Variants in RBFOX1 observed in about 807,000 individuals in gnomAD.
RBFOX1 encodes the protein RNA binding protein fox-1 homolog 1.
RBFOX1 carries 8 observed loss-of-function variants against 57.7 expected under a neutral mutation model. The ratio of observed to expected loss-of-function variants is 0.14; its 90% CI spans 0.08 to 0.25. RBFOX1 has a LOEUF of 0.25. Ranked by LOEUF, RBFOX1 falls within the 10% of genes least tolerant of loss-of-function variation. The pLI, the probability that RBFOX1 is intolerant of heterozygous loss-of-function variation, is 1.00. For missense variants in RBFOX1, 611 were observed against 548.5 expected (o/e 1.11, Z -1.14); for synonymous variants, 326 against 222.4 (o/e 1.47, Z -4.15).
chr16:5,697,841 A>G (rs774346794), intron 3 of RBFOX1, among the ~76,000 whole-genome samples: 4 of 152,132 alleles, frequency 2.6e-5, no homozygotes, highest in Non-Finnish European at 4.4e-5. Flanking sequence ...GAGTCCATCT[A>G]TAGTTTCAAC....
intron 3 of RBFOX1, among the ~76,000 whole-genome samples, chr16:7,044,551 C>G (rs928136762): frequency 2.0e-5 from 3 of 152,190 alleles, no homozygotes; most frequent in Non-Finnish European, 4.4e-5. Flanking sequence ...GCTTCAGTTT[C>G]TAACCTTTCA....
At chr16:5,241,343 C>T (rs569804280) in intron 1 of RBFOX1, among the ~76,000 whole-genome samples, 1 of 150,852 alleles carries the variant, frequency 6.6e-6, no homozygotes, top group East Asian at 1.9e-4. Flanking sequence ...TTTCCAGGGC[C>T]GATCACGGAA....
intron 2 of RBFOX1, among the ~76,000 whole-genome samples, chr16:6,566,937 G>C (rs969788974): frequency 6.6e-6 from 1 of 152,178 alleles, no homozygotes; most frequent in African/African-American, 2.4e-5. Context: ...AAATTGACAT[G>C]TTGGAGATGA....
intron 4 of RBFOX1, among the ~76,000 whole-genome samples, chr16:7,339,147 A>G (rs969923909): frequency 2.6e-5 from 4 of 152,180 alleles, no homozygotes; most frequent in South Asian, 2.1e-4. Context: ...AGGCTTGTCA[A>G]TTAACCTCAC....
At chr16:6,117,458 G>A (rs761600712) in intron 1 of RBFOX1, among the ~76,000 whole-genome samples, 2 of 152,236 alleles carry the variant, frequency 1.3e-5, no homozygotes, top group East Asian at 1.9e-4. Flanking sequence ...TGGTGTTGCC[G>A]ATGTGATAGG....
chr16:5,653,670 T>C (rs2049326439), intron 3 of RBFOX1, among the ~76,000 whole-genome samples: 1 of 152,198 alleles, frequency 6.6e-6, no homozygotes, highest in Non-Finnish European at 1.5e-5. Context: ...TTTGAAATGC[T>C]CGGCTTTTGG....
intron 1 of RBFOX1, among the ~76,000 whole-genome samples, chr16:6,179,757 G>T (rs975453679): frequency 1.3e-5 from 2 of 152,104 alleles, no homozygotes; most frequent in African/African-American, 4.8e-5. Flanking sequence ...CCAAAACTTA[G>T]TGTATCAAGA....
chr16:6,314,744 A>G (rs2080858126), intron 1 of RBFOX1, among the ~76,000 whole-genome samples: 2 of 152,220 alleles, frequency 1.3e-5, no homozygotes, highest in South Asian at 4.1e-4. Flanking sequence ...AAATTTTGAT[A>G]TGAAGTTTGG....
intron 2 of RBFOX1, among the ~76,000 whole-genome samples, chr16:6,582,780 T>G (rs1425610006): frequency 2.0e-5 from 3 of 151,174 alleles, no homozygotes; most frequent in African/African-American, 2.4e-5. Context: ...CCTTCCTCTT[T>G]CCCTTCCCTC....
chr16:7,472,561 C>T (rs1377027803), intron 4 of RBFOX1, among the ~76,000 whole-genome samples: 1 of 152,184 alleles, frequency 6.6e-6, no homozygotes, highest in East Asian at 1.9e-4. Context: ...TGCAAATATA[C>T]AACATAGCGT....
chr16:5,821,338 C>G (rs953262063), intron 3 of RBFOX1, among the ~76,000 whole-genome samples: 17 of 148,864 alleles, frequency 1.1e-4, no homozygotes, highest in Non-Finnish European at 1.5e-5. Context: ...CTGTGTCACC[C>G]AGGCTGGAGT....
chr16:7,368,191 C>T (rs573536079), intron 4 of RBFOX1, among the ~76,000 whole-genome samples: 11 of 149,646 alleles, frequency 7.4e-5, no homozygotes, highest in Admixed American at 2.7e-4. Flanking sequence ...CGCTTGAACC[C>T]GGGAGGTGGA....
rs898256669 is a variant in RBFOX1 at position 7,412,496 on chromosome 16, A to G, written c.28-105651A>G. The stretch of plus-strand genomic sequence containing the variant: ...TACAAACTTCACAACATTTCTGTAA[A>G]TCGAAAAGTATGCTGCAATTAAAAT... On this transcript the variant is annotated intron_variant, in intron 4 of 15. Transcript: ENST00000550418. Among the ~76,000 whole-genome samples the G allele has an allele frequency of 5.9e-5, 9 of 152,224 alleles. 1 individual carries two copies. Among genetic ancestry groups the G allele is most frequent in the African/African-American group, 1.9e-4 (8 of 41,456 alleles).
intron 4 of RBFOX1, among the ~76,000 whole-genome samples, chr16:5,874,551 G>T (rs1006161561): frequency 1.3e-5 from 2 of 152,120 alleles, no homozygotes; most frequent in Non-Finnish European, 2.9e-5. Flanking sequence ...GAGAGTAAAT[G>T]TGGATACATT....
intron 2 of RBFOX1, among the ~76,000 whole-genome samples, chr16:6,530,416 A>G (rs1405601477): frequency 1.3e-5 from 2 of 152,182 alleles, no homozygotes; most frequent in Non-Finnish European, 2.9e-5. Flanking sequence ...ATGGGGAGAC[A>G]GTGGGCTGTA....
intron 2 of RBFOX1, among the ~76,000 whole-genome samples, chr16:6,413,252 G>A (rs1035955565): frequency 6.6e-6 from 1 of 150,806 alleles, no homozygotes; most frequent in Non-Finnish European, 1.5e-5. Context: ...CCGGAAGGCA[G>A]AGGTTGTGGT....
intron 4 of RBFOX1, among the ~76,000 whole-genome samples, chr16:5,990,427 C>T (rs1365631254): frequency 3.3e-5 from 5 of 152,318 alleles, no homozygotes; most frequent in African/African-American, 1.2e-4. Flanking sequence ...TATGACCAAA[C>T]TTATTCACAT....
intron 1 of RBFOX1, among the ~76,000 whole-genome samples, chr16:5,435,116 T>C (rs4270175): frequency 0.069 from 10,572 of 152,284 alleles, 1,231 homozygotes; most frequent in African/African-American, 0.24. Flanking sequence ...GAGTAGGAAA[T>C]GACCCTGAAT....
intron 1 of RBFOX1, among the ~76,000 whole-genome samples, chr16:6,106,627 C>G (rs72633299): frequency 0.089 from 13,490 of 152,142 alleles, 814 homozygotes; most frequent in East Asian, 0.24. Flanking sequence ...TGGTCCATCT[C>G]TTATGGAAGT....
Sources: allele counts gnomAD v4.1 joint callset (sites outside exome capture counted in the v4.1 genomes callset), GRCh38; gene constraint gnomAD v4.1.1; transcripts MANE v1.5; gene names NCBI Gene and HGNC (gene_info 2026-07-23, HGNC 2026-07-21).